Variants in PTPRA observed in about 807,000 individuals in gnomAD.
PTPRA encodes protein tyrosine phosphatase receptor type A.
A neutral mutation model predicts 104.8 loss-of-function variants in PTPRA; 25 were observed. The observed-to-expected ratio is 0.24, with a 90% CI of 0.17 to 0.33. PTPRA has a LOEUF of 0.33. PTPRA is among the 10% of genes least tolerant of loss of function. PTPRA has a pLI of 1.00. For missense variants in PTPRA, 765 were observed against 1,015.3 expected, an observed-to-expected ratio of 0.75 and a Z score of 3.35; for synonymous variants, 323 against 368.9, an observed-to-expected ratio of 0.88 and a Z score of 1.43.
In PTPRA at chr20:3,021,300, T is replaced by C. The variant is rs1485414131; in HGVS notation, c.1042-9T>C. 4 of 1,613,806 alleles carry C rather than the reference T, an allele frequency of 2.5e-6. No individual in the cohort carries two copies. The highest frequency in any genetic ancestry group is 3.4e-6 in the Non-Finnish European group (4 of 1,179,856). On this transcript the variant is annotated splice_polypyrimidine_tract_variant and intron_variant, in intron 13 of 23. Coordinates refer to ENST00000399903, the MANE Select transcript of PTPRA (RefSeq NM_001385305.1). Reference sequence around the variant, plus strand: ...TAAGGTCAGGGAATGTATGTCTTTTTCTTTCCAGTGCAAGTGCGCCCAGTA... The same window carrying C: ...TAAGGTCAGGGAATGTATGTCTTTTCCTTTCCAGTGCAAGTGCGCCCAGTA...
chr20:2,908,961 C>G (rs778464608), intron 1 of PTPRA, among the ~76,000 whole-genome samples: 1 of 152,146 alleles, frequency 6.6e-6, no homozygotes, highest in Non-Finnish European at 1.5e-5. Context: ...TGAGTTATAA[C>G]TTTGTGACTG....
At chr20:2,980,585 C>T (rs895841617) in intron 6 of PTPRA, among the ~76,000 whole-genome samples, 1 of 151,896 alleles carries the variant, frequency 6.6e-6, no homozygotes, top group Non-Finnish European at 1.5e-5. Context: ...AGCAGTGGCT[C>T]ACGCACATAA....
At chr20:2,953,020 A>C (rs548701747) in intron 3 of PTPRA, among the ~76,000 whole-genome samples, 30 of 152,248 alleles carry the variant, frequency 2.0e-4, no homozygotes, top group African/African-American at 5.8e-4. Flanking sequence ...ATGTTGTTGT[A>C]TAAATATCTG....
intron 3 of PTPRA, among the ~76,000 whole-genome samples, chr20:2,952,882 G>A (rs1256399296): frequency 2.0e-5 from 3 of 152,150 alleles, no homozygotes; most frequent in Non-Finnish European, 4.4e-5. Context: ...GGTAGCATGT[G>A]TCAGAATTTC....
chr20:2,924,931 T>G (rs2060238955), intron 2 of PTPRA, among the ~76,000 whole-genome samples: 1 of 152,090 alleles, frequency 6.6e-6, no homozygotes, highest in Admixed American at 6.6e-5. Context: ...CGCCTGCCTC[T>G]GCCTCCCAAA....
chr20:3,032,626 C>T (rs977964634), intron 20 of PTPRA, among the ~76,000 whole-genome samples: 14 of 151,660 alleles, frequency 9.2e-5, no homozygotes, highest in South Asian at 2.1e-4. Flanking sequence ...ATTAGCTGGG[C>T]GCGATGGTGC....
intron 9 of PTPRA, among the ~76,000 whole-genome samples, chr20:3,004,192 CTT>C: frequency 6.6e-6 from 1 of 152,082 alleles, no homozygotes; most frequent in Admixed American, 6.5e-5. Context: ...TAATTGTTGT[CTT>C]TTTAGTAGAG....
chr20:2,866,582 A>G, the PTPRA span: 1 of 1,613,744 alleles, frequency 6.2e-7, no homozygotes, highest in Non-Finnish European at 8.5e-7. Context: ...TGAGGAGTCC[A>G]TCCTGTACAT....
At chr20:2,961,685 G>T (rs1032096690) in intron 3 of PTPRA, among the ~76,000 whole-genome samples, 1 of 152,028 alleles carries the variant, frequency 6.6e-6, no homozygotes, top group Non-Finnish European at 1.5e-5. Context: ...AAAAGTTCTC[G>T]CCATACCCAA....
At chr20:3,000,051 T>C (rs1283335222) in intron 9 of PTPRA, among the ~76,000 whole-genome samples, 1 of 152,046 alleles carries the variant, frequency 6.6e-6, no homozygotes, top group Non-Finnish European at 1.5e-5. Flanking sequence ...TTTGGGAGGC[T>C]GAGGTAGGCG....
intron 3 of PTPRA, among the ~76,000 whole-genome samples, chr20:2,948,417 C>T (rs181664977): frequency 3.9e-5 from 6 of 152,298 alleles, no homozygotes; most frequent in East Asian, 3.9e-4. Context: ...ATGCTAGACT[C>T]TGTGGTTCAG....
intron 20 of PTPRA, among the ~76,000 whole-genome samples, chr20:3,028,290 A>T (rs1027956509): frequency 4.6e-5 from 7 of 152,226 alleles, no homozygotes; most frequent in African/African-American, 1.7e-4. Context: ...CTCATTGCTG[A>T]CTACATAAAA....
At chr20:3,007,140 T>C (rs993677149) in intron 10 of PTPRA, among the ~76,000 whole-genome samples, 1 of 152,210 alleles carries the variant, frequency 6.6e-6, no homozygotes, top group Non-Finnish European at 1.5e-5. Flanking sequence ...TGCATCTTAA[T>C]TTATTTAACT....
rs569994025 is a variant in PTPRA, at chr20:3,018,007, A to G, written c.1041+94A>G. On this transcript the variant is annotated intron_variant, in intron 13 of 23. Coordinates refer to ENST00000399903, the MANE Select transcript of PTPRA (RefSeq NM_001385305.1). ...GCTGTCTATCCTTTGTGGGTGCTGT[A>G]CCAGTAGTTCATCCAGAAAGACACA... 16 of 1,044,304 alleles carry G rather than the reference A, an allele frequency of 1.5e-5. No individual in the cohort carries two copies. The South Asian group carries it at 2.0e-4, about 13-fold the overall frequency. 64.7% of individuals were successfully genotyped at this position (1,044,304 alleles called of 1,614,324 possible). A position where few individuals can be genotyped will look rare whatever the true frequency, so the allele number is the denominator to read the frequency against.
intron 6 of PTPRA, among the ~76,000 whole-genome samples, chr20:2,985,915 G>A (rs1056617908): frequency 1.3e-5 from 2 of 151,340 alleles, no homozygotes; most frequent in East Asian, 3.9e-4. Context: ...TTGTTTGTTT[G>A]TTTGTTTGTT....
intron 14 of PTPRA, 92 bp from the exon 15 acceptor site, chr20:3,021,962 G>T: frequency 6.7e-7 from 1 of 1,486,588 alleles, no homozygotes; most frequent in Non-Finnish European, 9.2e-7. Context: ...CTTTTCCATT[G>T]TCACTGACAA....
chr20:2,981,112 T>C (rs925600949), intron 6 of PTPRA, among the ~76,000 whole-genome samples: 2 of 152,058 alleles, frequency 1.3e-5, no homozygotes, highest in African/African-American at 4.8e-5. Flanking sequence ...ATATGCAGTG[T>C]AGACCTGCTC....
chr20:2,867,950 A>G, the PTPRA span, among the ~76,000 whole-genome samples: 4 of 152,324 alleles, frequency 2.6e-5, no homozygotes, highest in Admixed American at 6.5e-5. Context: ...ATGTGGGTCA[A>G]GAATTTGGAC....
intron 1 of PTPRA, among the ~76,000 whole-genome samples, chr20:2,914,946 T>C (rs1600106077): frequency 6.6e-6 from 1 of 152,172 alleles, no homozygotes; most frequent in Non-Finnish European, 1.5e-5. Context: ...CTTCTTTGAG[T>C]CCTCATACTA....
Sources: gnomAD v4.1 joint callset for allele counts (sites outside exome capture counted in the v4.1 genomes callset) on GRCh38, gnomAD v4.1.1 for gene constraint, MANE v1.5 for transcripts, NCBI Gene and HGNC (gene_info 2026-07-23, HGNC 2026-07-21) for gene names.